The following EIF4G3 variants were observed in gnomAD, a reference collection of about 807,000 sequenced individuals.
EIF4G3 encodes eukaryotic translation initiation factor 4 gamma 3.
In EIF4G3, 34 loss-of-function variants were observed where a neutral mutation model predicts 186.4. That is an observed-to-expected ratio of 0.18 (90% CI 0.14 to 0.24). EIF4G3 has a LOEUF of 0.24. EIF4G3 is among the 10% of genes least tolerant of loss of function. EIF4G3 has a pLI of 1.00. For missense variants in EIF4G3, 1,536 were observed against 1,948.5 expected (o/e 0.79, Z 3.99); for synonymous variants, 673 against 679.5 (o/e 0.99, Z 0.15).
intron 14 of EIF4G3, among the ~76,000 whole-genome samples, chr1:20,906,527 A>C (rs1187205850): frequency 6.6e-6 from 1 of 152,216 alleles, no homozygotes; most frequent in East Asian, 1.9e-4. Context: ...TATAAGCTCA[A>C]AAGGAACTTC....
At chr1:20,939,833 C>A (rs1411469535) in intron 14 of EIF4G3, among the ~76,000 whole-genome samples, 1 of 150,350 alleles carries the variant, frequency 6.7e-6, no homozygotes, top group East Asian at 1.9e-4. Flanking sequence ...GCCACACCAA[C>A]ACCAAGTTGT....
intron 25 of EIF4G3, among the ~76,000 whole-genome samples, chr1:20,856,095 G>A (rs2074819974): frequency 6.6e-6 from 1 of 152,148 alleles, no homozygotes; most frequent in Non-Finnish European, 1.5e-5. Context: ...GACTCAAATT[G>A]TATTCAGCAA....
At chr1:21,139,108 G>A (rs2102625300) in intron 2 of EIF4G3, among the ~76,000 whole-genome samples, 1 of 152,220 alleles carries the variant, frequency 6.6e-6, no homozygotes, top group East Asian at 1.9e-4. Context: ...GTTCTAAGAA[G>A]ATGTCAAGTA....
intron 33 of EIF4G3, among the ~76,000 whole-genome samples, chr1:20,821,397 T>A (rs1364625415): frequency 6.6e-6 from 1 of 152,196 alleles, no homozygotes; most frequent in African/African-American, 2.4e-5. Context: ...TCACTGAAAT[T>A]TATCAGACTC....
intron 20 of EIF4G3, among the ~76,000 whole-genome samples, chr1:20,867,049 A>G (rs1398045980): frequency 2.0e-5 from 3 of 152,244 alleles, no homozygotes; most frequent in African/African-American, 4.8e-5. Context: ...TATGGTGAGA[A>G]GTGCAGGGAA....
intron 2 of EIF4G3, among the ~76,000 whole-genome samples, chr1:21,090,053 A>G (rs1572384283): frequency 6.6e-6 from 1 of 152,184 alleles, no homozygotes; most frequent in African/African-American, 2.4e-5. Flanking sequence ...AATCCAGAAC[A>G]TGCTGATTTT....
At chr1:20,909,015 G>A (rs1345049539) in intron 14 of EIF4G3, among the ~76,000 whole-genome samples, 1 of 152,090 alleles carries the variant, frequency 6.6e-6, no homozygotes, top group Non-Finnish European at 1.5e-5. Flanking sequence ...AGCCAGGCAT[G>A]GTGGCATGTG....
intron 10 of EIF4G3, among the ~76,000 whole-genome samples, chr1:20,973,622 A>G (rs2076304755): frequency 6.6e-6 from 1 of 152,220 alleles, no homozygotes; most frequent in Admixed American, 6.5e-5. Context: ...TGGGGTGGAA[A>G]AAAGGCTCAG....
chr1:20,968,198 G>C (rs1436237557), intron 12 of EIF4G3, among the ~76,000 whole-genome samples: 1 of 148,650 alleles, frequency 6.7e-6, no homozygotes, highest in Non-Finnish European at 1.5e-5. Flanking sequence ...TTTTAAGACA[G>C]AGTCTCTCTC....
intron 25 of EIF4G3, 70 bp from the exon 26 acceptor site, chr1:20,855,141 T>C: frequency 1.6e-6 from 2 of 1,284,714 alleles, no homozygotes; most frequent in Non-Finnish European, 2.2e-6. Context: ...TTTATTTTTT[T>C]CTTCTTCAGT....
chr1:20,962,528 C>T (rs2073565563), intron 12 of EIF4G3, among the ~76,000 whole-genome samples: 1 of 152,100 alleles, frequency 6.6e-6, no homozygotes, highest in Non-Finnish European at 1.5e-5. Flanking sequence ...ATCTTGATAT[C>T]AAAAAGTTGA....
chr1:21,094,764 G>GTAT (rs2096311612), intron 2 of EIF4G3, among the ~76,000 whole-genome samples: 1 of 83,022 alleles, frequency 1.2e-5, no homozygotes, highest in South Asian at 4.1e-4. Flanking sequence ...AGAACTTAAA[G>GTAT]TATAATAATA....
At chr1:21,119,629 G>A (rs12028354) in intron 2 of EIF4G3, among the ~76,000 whole-genome samples, 6 of 151,900 alleles carry the variant, frequency 3.9e-5, no homozygotes, top group African/African-American at 1.4e-4. Flanking sequence ...AAAGGACAAA[G>A]AAACTATAGA....
intron 14 of EIF4G3, among the ~76,000 whole-genome samples, chr1:20,933,348 A>T (rs1462598189): frequency 6.6e-6 from 1 of 152,110 alleles, no homozygotes; most frequent in Non-Finnish European, 1.5e-5. Flanking sequence ...CAAATGTCAC[A>T]AATACATTAG....
chr1:20,898,850 C>A (rs960899914), intron 16 of EIF4G3, among the ~76,000 whole-genome samples: 1 of 152,194 alleles, frequency 6.6e-6, no homozygotes, highest in African/African-American at 2.4e-5. Context: ...CCTGCCTCAG[C>A]TTCCCAAGTA....
intron 4 of EIF4G3, among the ~76,000 whole-genome samples, chr1:21,048,451 G>C (rs1005742826): frequency 6.6e-6 from 1 of 152,050 alleles, no homozygotes; most frequent in South Asian, 2.1e-4. Flanking sequence ...AAAGGGTTTT[G>C]CTCCCTGGTT....
intron 29 of EIF4G3, among the ~76,000 whole-genome samples, chr1:20,841,961 G>C (rs1288470504): frequency 6.6e-6 from 1 of 152,002 alleles, no homozygotes; most frequent in African/African-American, 2.4e-5. Context: ...GGCTCATCTA[G>C]GTGTCTCACC....
chr1:20,834,377 G>A (rs555399485), intron 30 of EIF4G3, among the ~76,000 whole-genome samples: 1 of 152,264 alleles, frequency 6.6e-6, no homozygotes. Context: ...GGTAGAGGTT[G>A]CAGTGAGCCT....
At chr1:20,883,469 T>A (rs2083074185) in intron 19 of EIF4G3, among the ~76,000 whole-genome samples, 1 of 151,926 alleles carries the variant, frequency 6.6e-6, no homozygotes, top group Non-Finnish European at 1.5e-5. Flanking sequence ...ATATAAAAAG[T>A]TAGCCAGGCA....
Sources: gnomAD v4.1 joint callset for allele counts (sites outside exome capture counted in the v4.1 genomes callset) on GRCh38, gnomAD v4.1.1 for gene constraint, MANE v1.5 for transcripts, NCBI Gene and HGNC (gene_info 2026-07-23, HGNC 2026-07-21) for gene names.